Variants in SEPTIN9 observed in about 807,000 individuals in gnomAD.
The protein encoded by SEPTIN9 is septin-9.
A neutral mutation model predicts 56.6 loss-of-function variants in SEPTIN9; 13 were observed. The ratio of observed to expected loss-of-function variants is 0.23; its 90% confidence interval spans 0.15 to 0.37. The LOEUF is 0.37. SEPTIN9 is among the 10% of genes least tolerant of loss of function. The probability of loss-of-function intolerance (pLI) is 1.00; values close to 1 mark genes in which losing one functional copy is unlikely to be tolerated. For synonymous variants in SEPTIN9, 332 were observed against 334.1 expected, an observed-to-expected ratio of 0.99 and a Z score of 0.07; for missense variants, 650 against 823.1, an observed-to-expected ratio of 0.79 and a Z score of 2.57.
chr17:77,411,869 C>T (rs1174141622), intron 3 of SEPTIN9, among the ~76,000 whole-genome samples: 1 of 152,020 alleles, frequency 6.6e-6, no homozygotes, highest in African/African-American at 2.4e-5. Flanking sequence ...GTGGCTCACA[C>T]CTGTAATCCC....
intron 2 of SEPTIN9, among the ~76,000 whole-genome samples, chr17:77,397,561 A>G (rs1329984696): frequency 6.6e-6 from 1 of 152,204 alleles, no homozygotes; most frequent in African/African-American, 2.4e-5. Context: ...ACGAAAGTGA[A>G]TCTTCACAGG....
intron 4 of SEPTIN9, among the ~76,000 whole-genome samples, chr17:77,484,711 GT>G (rs1226194287): frequency 9.2e-6 from 1 of 108,966 alleles, no homozygotes. Flanking sequence ...TGGTGGTGAT[GT>G]GGGTGGTGGT....
At chr17:77,297,643 A>T (rs975752383) in intron 1 of SEPTIN9, among the ~76,000 whole-genome samples, 1 of 152,202 alleles carries the variant, frequency 6.6e-6, no homozygotes, top group African/African-American at 2.4e-5. Context: ...CCAGTCGTTC[A>T]TTCTTTTAAA....
intron 7 of SEPTIN9, among the ~76,000 whole-genome samples, chr17:77,489,897 G>T (rs1213333504): frequency 1.3e-5 from 2 of 152,218 alleles, no homozygotes; most frequent in Admixed American, 6.5e-5. Context: ...TGTGGCAGCT[G>T]TTCCAGCTGC....
At chr17:77,497,472 G>C (rs1360622302) in intron 11 of SEPTIN9, 106 bp downstream of exon 11, 1 of 1,039,586 alleles carries the variant, frequency 9.6e-7, no homozygotes, top group Admixed American at 2.0e-5. Flanking sequence ...CAGAGTGGGT[G>C]CCCCCTGCCA....
chr17:77,339,831 T>A (rs1467793347), intron 2 of SEPTIN9, among the ~76,000 whole-genome samples: 1 of 150,894 alleles, frequency 6.6e-6, no homozygotes, highest in Non-Finnish European at 1.5e-5. Context: ...TTTTTTGTTG[T>A]TGTTTTTTAA....
chr17:77,421,636 G>A lies in SEPTIN9; in HGVS notation c.721+18933G>A, dbSNP rs1166500900. Among the ~76,000 whole-genome samples, 3 of 152,196 alleles carry A rather than the reference G, an allele frequency of 2.0e-5. No homozygotes were observed. The highest frequency in any genetic ancestry group is 1.9e-4 in the East Asian group (1 of 5,190). On this transcript the variant is annotated intron_variant, in intron 3 of 11. Transcript: ENST00000427177. The surrounding 1 kb of genome is among the most constrained non-coding windows in gnomAD (Gnocchi z 4.6). ...ATGGCTTTTGGGCCATTCACCTGAG[G>A]TTTATTGATCTTTCTCTTTGGAACT...
intron 2 of SEPTIN9, among the ~76,000 whole-genome samples, chr17:77,388,915 C>A (rs2035437414): frequency 1.4e-5 from 2 of 148,094 alleles, no homozygotes; most frequent in Admixed American, 1.4e-4. Context: ...TCTGCCCAGG[C>A]AGATCAGGAA....
chr17:77,382,089 G>C (rs533626454), intron 2 of SEPTIN9, among the ~76,000 whole-genome samples: 1 of 151,926 alleles, frequency 6.6e-6, no homozygotes, highest in Non-Finnish European at 1.5e-5. Context: ...GTGCAGTGGC[G>C]TGATCTCGGC....
Position 77,434,938 on chromosome 17 carries a change from T to C in SEPTIN9, c.721+32235T>C, listed in dbSNP as rs1179949873. Among the ~76,000 whole-genome samples the C allele has an allele frequency of 6.6e-6, 1 of 152,122 alleles. No homozygotes were observed. Among genetic ancestry groups the C allele is most frequent in the Non-Finnish European group, 1.5e-5 (1 of 67,996 alleles). ...GGGAGCAGAGACCTCACCCTTCCTC[T>C]GCCGACATCAGGCTGCCGGTGCTGG... On this transcript the variant is annotated intron_variant, in intron 3 of 11. Transcript: ENST00000427177. This position sits in a 1 kb window ranked among gnomAD's most constrained non-coding sequence, Gnocchi z 5.0.
At chr17:77,301,392 ATTTGTGTGTG>A (rs1383046305) in intron 1 of SEPTIN9, among the ~76,000 whole-genome samples, 1 of 97,722 alleles carries the variant, frequency 1.0e-5, no homozygotes, top group Non-Finnish European at 2.0e-5. Flanking sequence ...ATGGGAATAG[ATTTGTGTGTG>A]TGTGTGTGTG....
intron 3 of SEPTIN9, among the ~76,000 whole-genome samples, chr17:77,406,279 C>T (rs2036067267): frequency 6.6e-6 from 1 of 152,210 alleles, no homozygotes; most frequent in Non-Finnish European, 1.5e-5. Context: ...GTCTCTCACA[C>T]CTTTCCTCAC....
At chr17:77,293,442 G>C (rs1017617354) in intron 1 of SEPTIN9, among the ~76,000 whole-genome samples, 7 of 152,098 alleles carry the variant, frequency 4.6e-5, no homozygotes, top group African/African-American at 1.7e-4. Context: ...GATTACAGGC[G>C]GGAGCCACAG....
chr17:77,484,949 C>CGATGG (rs2039663362), intron 4 of SEPTIN9, among the ~76,000 whole-genome samples: 1 of 878 alleles, frequency 1.1e-3, no homozygotes, highest in Non-Finnish European at 2.5e-3. Context: ...GGGAGTGATG[C>CGATGG]TGGTGATTGT....
chr17:77,354,086 A>C (rs2034146126), intron 2 of SEPTIN9, among the ~76,000 whole-genome samples: 1 of 152,094 alleles, frequency 6.6e-6, no homozygotes, highest in Admixed American at 6.6e-5. Context: ...ACAGCTCTTG[A>C]TGCTCACGGT....
At chr17:77,424,073 A>G (rs1371454807) in intron 3 of SEPTIN9, among the ~76,000 whole-genome samples, 1 of 152,160 alleles carries the variant, frequency 6.6e-6, no homozygotes, top group Non-Finnish European at 1.5e-5. Context: ...TCCACCCCTC[A>G]CCTTATTAAT....
chr17:77,305,924 G>GTGGA, intron 1 of SEPTIN9, among the ~76,000 whole-genome samples: 1 of 90,270 alleles, frequency 1.1e-5, no homozygotes, highest in South Asian at 4.1e-4. Context: ...GGGTGGGTGG[G>GTGGA]TGGATGGATG....
chr17:77,345,531 G>A (rs1351096444), intron 2 of SEPTIN9, among the ~76,000 whole-genome samples: 1 of 152,038 alleles, frequency 6.6e-6, no homozygotes, highest in East Asian at 1.9e-4. Context: ...GGATCTGCAG[G>A]ATCAGCTTAC....
intron 3 of SEPTIN9, among the ~76,000 whole-genome samples, chr17:77,439,801 G>T (rs1411923698): frequency 1.3e-5 from 2 of 152,226 alleles, no homozygotes; most frequent in Non-Finnish European, 2.9e-5. Context: ...CGCCTCTGCA[G>T]GCCCCCGCTG....
Sources: allele counts gnomAD v4.1 joint callset (sites outside exome capture counted in the v4.1 genomes callset), GRCh38; gene constraint gnomAD v4.1.1; non-coding constraint Gnocchi (gnomAD v3.1); transcripts MANE v1.5; gene names NCBI Gene and HGNC (gene_info 2026-07-23, HGNC 2026-07-21).